Variants in MALRD1 observed in about 807,000 individuals in gnomAD.
The protein encoded by MALRD1 is MAM and LDL receptor class A domain containing 1.
A neutral mutation model predicts 242.1 loss-of-function variants in MALRD1; 247 were observed. The observed-to-expected ratio is 1.02, with a 90% CI of 0.92 to 1.13. The LOEUF (loss-of-function observed/expected upper bound fraction) is 1.13, where lower values mean the gene tolerates loss of function less well. Ranked by LOEUF, MALRD1 falls within the 50% of genes most tolerant of loss-of-function variation. The probability of loss-of-function intolerance (pLI) is 0.00; values close to 1 mark genes in which losing one functional copy is unlikely to be tolerated. For missense variants in MALRD1, 2,989 were observed against 2,533.1 expected, an observed-to-expected ratio of 1.18 and a Z score of -3.86; for synonymous variants, 995 against 866.6, an observed-to-expected ratio of 1.15 and a Z score of -2.60.
Position 19,126,933 on chromosome 10 carries a change from A to T in MALRD1, c.944-1288A>T, listed in dbSNP as rs562446727. ...CTCCCCTCACCCCTCAACAGTCCCCAGTGTGTGTTGTTCCCCTTCCCTGTG... is the reference window on the plus strand; with the variant it reads ...CTCCCCTCACCCCTCAACAGTCCCCTGTGTGTGTTGTTCCCCTTCCCTGTG... On this transcript the variant is annotated intron_variant, in intron 7 of 39. Transcript: ENST00000454679. 5.9e-5 allele frequency among the ~76,000 whole-genome samples: 9 copies of T among 152,038 alleles called. No individual in the cohort carries two copies. In the South Asian group the frequency reaches 1.5e-3, roughly 25 times the overall value.
chr10:19,146,167 C>T, intron 10 of MALRD1, 31 bp from the exon 11 acceptor site: 1 of 1,231,314 alleles, frequency 8.1e-7, no homozygotes, highest in Non-Finnish European at 1.0e-6. Context: ...CTTCATTTCT[C>T]CTCACCTGTT....
intron 21 of MALRD1, among the ~76,000 whole-genome samples, chr10:19,317,981 A>G (rs1183371364): frequency 6.6e-6 from 1 of 152,068 alleles, no homozygotes; most frequent in Non-Finnish European, 1.5e-5. Flanking sequence ...ATGTTTTATT[A>G]GAAAAAGATA....
At chr10:19,473,295 T>A (rs997843) in intron 29 of MALRD1, among the ~76,000 whole-genome samples, 114,658 of 151,012 alleles carry the variant, frequency 0.76, 43,784 homozygotes, top group East Asian at 1. Context: ...AGGTAATTTT[T>A]AAAAAAGTAT....
intron 27 of MALRD1, 76 bp downstream of exon 27, chr10:19,387,849 C>G (rs928448232): frequency 4.1e-6 from 6 of 1,479,664 alleles, no homozygotes; most frequent in African/African-American, 1.4e-5. Context: ...CTGATAGCAA[C>G]TGGGGAGCTC....
At chr10:19,364,816 T>A (rs1001403656) in intron 26 of MALRD1, among the ~76,000 whole-genome samples, 10 of 152,130 alleles carry the variant, frequency 6.6e-5, no homozygotes, top group Non-Finnish European at 5.9e-5. Flanking sequence ...AGATGTGCAG[T>A]TTAAAATAAT....
At chr10:19,547,806 ATATATATATATATTTTTTTTT>A (rs1418001081) in intron 32 of MALRD1, among the ~76,000 whole-genome samples, 3 of 13,732 alleles carry the variant, frequency 2.2e-4, no homozygotes, top group Non-Finnish European at 4.7e-4. Flanking sequence ...ATATATATAT[ATATATATATATATTTTTTTTT>A]TTTTTTTTTT....
At chr10:19,138,448 T>A (rs1317581636) in intron 10 of MALRD1, among the ~76,000 whole-genome samples, 4 of 139,508 alleles carry the variant, frequency 2.9e-5, no homozygotes, top group South Asian at 2.2e-4. Context: ...GGGGACAGAG[T>A]CTTGCTCTGT....
intron 29 of MALRD1, among the ~76,000 whole-genome samples, chr10:19,467,312 G>A (rs1184252091): frequency 2.2e-5 from 3 of 134,922 alleles, no homozygotes; most frequent in African/African-American, 5.4e-5. Context: ...CCGAGATCGC[G>A]CCACTGCACT....
chr10:19,654,696 T>C (rs918516394), intron 36 of MALRD1, among the ~76,000 whole-genome samples: 3 of 152,194 alleles, frequency 2.0e-5, no homozygotes, highest in African/African-American at 7.2e-5. Context: ...TGAAAGAAAC[T>C]ACCTTTGTTG....
intron 21 of MALRD1, among the ~76,000 whole-genome samples, chr10:19,312,341 A>G (rs1186492123): frequency 6.7e-6 from 1 of 148,794 alleles, no homozygotes; most frequent in East Asian, 2.0e-4. Flanking sequence ...TGCTCTATTA[A>G]TTAACCTCTG....
At chr10:19,539,930 A>G (rs1190802212) in intron 32 of MALRD1, among the ~76,000 whole-genome samples, 2 of 134,766 alleles carry the variant, frequency 1.5e-5, no homozygotes, top group Non-Finnish European at 3.1e-5. Flanking sequence ...ACGCGCAGTG[A>G]TGGGGTTTTG....
At chr10:19,695,977 C>T (rs1374043291) in intron 38 of MALRD1, among the ~76,000 whole-genome samples, 3 of 152,186 alleles carry the variant, frequency 2.0e-5, no homozygotes, top group Admixed American at 6.5e-5. Flanking sequence ...CGCCAAGTCA[C>T]TCCAATGACA....
At chr10:19,244,649 A>T (rs1247747119) in intron 18 of MALRD1, among the ~76,000 whole-genome samples, 5 of 152,304 alleles carry the variant, frequency 3.3e-5, no homozygotes, top group East Asian at 1.9e-4. Context: ...AATGACTTTT[A>T]AAAAATGGCC....
chr10:19,716,330 G>C (rs1236179663), intron 38 of MALRD1, among the ~76,000 whole-genome samples: 2 of 152,094 alleles, frequency 1.3e-5, no homozygotes, highest in Non-Finnish European at 2.9e-5. Flanking sequence ...TAATGGATTA[G>C]CACCATCCCC....
chr10:19,061,033 C>G (rs527882491), intron 1 of MALRD1, among the ~76,000 whole-genome samples: 1 of 152,314 alleles, frequency 6.6e-6, no homozygotes, highest in South Asian at 2.1e-4. Context: ...AAACCAAACA[C>G]CACATGTTCT....
chr10:19,651,572 A>G (rs571259110), intron 36 of MALRD1, among the ~76,000 whole-genome samples: 7 of 152,298 alleles, frequency 4.6e-5, no homozygotes, highest in African/African-American at 1.7e-4. Context: ...CAAACAAACA[A>G]CACTTATTGA....
At chr10:19,639,515 T>C (rs2131674183) in intron 36 of MALRD1, among the ~76,000 whole-genome samples, 1 of 152,306 alleles carries the variant, frequency 6.6e-6, no homozygotes, top group Middle Eastern at 3.4e-3. Flanking sequence ...AAATCGGAGT[T>C]TCACTCTGCA....
intron 18 of MALRD1, among the ~76,000 whole-genome samples, chr10:19,240,422 A>T (rs1413017761): frequency 6.6e-6 from 1 of 152,018 alleles, no homozygotes. Context: ...GTATATCTAG[A>T]AAGAACCTTA....
intron 33 of MALRD1, among the ~76,000 whole-genome samples, chr10:19,591,442 C>A (rs1837776510): frequency 1.3e-5 from 2 of 151,410 alleles, no homozygotes; most frequent in Non-Finnish European, 2.9e-5. Context: ...TTAACATTAA[C>A]TTTCTTAACG....
Sources: gnomAD v4.1 joint callset for allele counts (sites outside exome capture counted in the v4.1 genomes callset) on GRCh38, gnomAD v4.1.1 for gene constraint, MANE v1.5 for transcripts, NCBI Gene and HGNC (gene_info 2026-07-23, HGNC 2026-07-21) for gene names.